GRIP2: variants seen among roughly 807,000 people sequenced by gnomAD.
GRIP2 encodes glutamate receptor interacting protein 2, also known as glutamate receptor-interacting protein 2.
GRIP2 carries 58 observed loss-of-function variants against 108.3 expected under a neutral mutation model. That is an observed-to-expected ratio of 0.54 (90% CI 0.43 to 0.67). The LOEUF (loss-of-function observed/expected upper bound fraction) is 0.67. Ranked by LOEUF, GRIP2 falls within the 30% of genes least tolerant of loss-of-function variation. The pLI is 0.00. For missense variants in GRIP2, 1,278 were observed against 1,430.6 expected (o/e 0.89, Z 1.72); for synonymous variants, 586 against 598.2 (o/e 0.98, Z 0.30).
At chr3:14,576,934 G>T in the GRIP2 span, among the ~76,000 whole-genome samples, 1 of 152,182 alleles carries the variant, frequency 6.6e-6, no homozygotes, top group Non-Finnish European at 1.5e-5. Flanking sequence ...TTTCAGTCTT[G>T]CTTTGTTGAG....
At chr3:14,578,402 G>A in the GRIP2 span, among the ~76,000 whole-genome samples, 1 of 152,144 alleles carries the variant, frequency 6.6e-6, no homozygotes, top group Admixed American at 6.5e-5. Context: ...GGGAAGTGGT[G>A]CATATGTGGG....
chr3:14,574,414 G>A, the GRIP2 span: 1 of 745,730 alleles, frequency 1.3e-6, no homozygotes, highest in Non-Finnish European at 2.3e-6. Context: ...ACCTTGGGCT[G>A]CGAGGCTGCG....
At chr3:14,558,698 G>A (rs1441304046), upstream of GRIP2, among the ~76,000 whole-genome samples, 1 of 152,030 alleles carries the variant, frequency 6.6e-6, no homozygotes, top group Non-Finnish European at 1.5e-5. Context: ...ACCTGCATAG[G>A]GAGGTGGATC....
the GRIP2 span, among the ~76,000 whole-genome samples, chr3:14,589,925 T>C: frequency 3.6e-4 from 55 of 152,100 alleles, no homozygotes; most frequent in East Asian, 5.2e-3. Flanking sequence ...CCCAAGTAGC[T>C]AGGACTACAG....
At chr3:14,559,791 G>A (rs376078365), upstream of GRIP2, among the ~76,000 whole-genome samples, 1 of 152,170 alleles carries the variant, frequency 6.6e-6, no homozygotes, top group East Asian at 1.9e-4. Context: ...AGAGACAGAC[G>A]CTGCTTCTCC....
chr3:14,601,902 G>A, the GRIP2 span: 2 of 152,346 alleles, frequency 1.3e-5, no homozygotes, highest in African/African-American at 2.4e-5. Flanking sequence ...CATAGATTTA[G>A]GTTCCCGGGC....
the GRIP2 span, among the ~76,000 whole-genome samples, chr3:14,564,174 G>T: frequency 6.6e-6 from 1 of 152,234 alleles, no homozygotes; most frequent in Non-Finnish European, 1.5e-5. Flanking sequence ...TGCACCCACA[G>T]AGCCACCTGC....
At chr3:14,509,367 T>G (rs1453205731) in intron 17 of GRIP2, among the ~76,000 whole-genome samples, 1 of 152,248 alleles carries the variant, frequency 6.6e-6, no homozygotes, top group Non-Finnish European at 1.5e-5. Flanking sequence ...CAGGGCTCCA[T>G]TCTTACAGCT....
chr3:14,519,376 TGTG>T (rs1694343701), intron 9 of GRIP2, among the ~76,000 whole-genome samples: 1 of 152,264 alleles, frequency 6.6e-6, no homozygotes. Context: ...AGGCCTGGGC[TGTG>T]CCTTGTCCTT....
At chr3:14,520,567 T>A (rs1316467431) in intron 7 of GRIP2, 30 bp from the exon 8 acceptor site, 2 of 1,612,500 alleles carry the variant, frequency 1.2e-6, no homozygotes, top group African/African-American at 2.7e-5. Flanking sequence ...AAGTTTGAAA[T>A]GCAAATACCG....
chr3:14,532,216 G>A (rs1694726835), intron 1 of GRIP2, among the ~76,000 whole-genome samples: 1 of 152,220 alleles, frequency 6.6e-6, no homozygotes, highest in South Asian at 2.1e-4. Context: ...GAGAAAAGAC[G>A]GGAGAAGGTC....
At chr3:14,573,410 G>T in the GRIP2 span, 2 of 1,354,948 alleles carry the variant, frequency 1.5e-6, no homozygotes, top group Non-Finnish European at 1.1e-6. Context: ...TGGACACCAG[G>T]TAGTGCAGGA....
At chr3:14,570,866 A>G in the GRIP2 span, among the ~76,000 whole-genome samples, 2 of 152,206 alleles carry the variant, frequency 1.3e-5, no homozygotes, top group Non-Finnish European at 2.9e-5. Flanking sequence ...TCTGCTTTTG[A>G]AATGAAGGAA....
intron 1 of GRIP2, among the ~76,000 whole-genome samples, chr3:14,527,998 C>G (rs1249751273): frequency 6.6e-6 from 1 of 152,154 alleles, no homozygotes; most frequent in Non-Finnish European, 1.5e-5. Flanking sequence ...TGACCACCAC[C>G]ACGACCAAGT....
At chr3:14,496,855 T>C (rs745891647) in intron 21 of GRIP2, among the ~76,000 whole-genome samples, 3 of 152,236 alleles carry the variant, frequency 2.0e-5, no homozygotes, top group Non-Finnish European at 2.9e-5. Context: ...AGTACAATGA[T>C]GCAAGTAAAT....
At chr3:14,509,264 C>A (rs983977250) in intron 17 of GRIP2, among the ~76,000 whole-genome samples, 6 of 152,232 alleles carry the variant, frequency 3.9e-5, no homozygotes, top group African/African-American at 1.4e-4. Context: ...TCCTTGCCTG[C>A]CGGATTCATC....
intron 1 of GRIP2, among the ~76,000 whole-genome samples, chr3:14,535,703 C>A (rs559614811): frequency 1.3e-5 from 2 of 152,242 alleles, no homozygotes; most frequent in South Asian, 4.1e-4. Context: ...GGGAACTGCC[C>A]AGGGGCACAG....
At chr3:14,526,058 TC>T in intron 1 of GRIP2, 127 bp from the exon 2 acceptor site, 1 of 740,674 alleles carries the variant, frequency 1.4e-6, no homozygotes, top group Non-Finnish European at 2.4e-6. Flanking sequence ...TGCCACCAGC[TC>T]CACCCGATTC....
the GRIP2 span, among the ~76,000 whole-genome samples, chr3:14,597,639 G>T: frequency 6.6e-6 from 1 of 152,158 alleles, no homozygotes; most frequent in African/African-American, 2.4e-5. Context: ...CACTTTGATG[G>T]GTTTTGTGTT....
Sources: gnomAD v4.1 joint callset for allele counts (sites outside exome capture counted in the v4.1 genomes callset) on GRCh38, gnomAD v4.1.1 for gene constraint, MANE v1.5 for transcripts, NCBI Gene and HGNC (gene_info 2026-07-23, HGNC 2026-07-21) for gene names.